The following NUAK1 variants were observed in gnomAD, a reference collection of about 807,000 sequenced individuals.
The protein encoded by NUAK1 is NUAK family kinase 1, also known as NUAK family SNF1-like kinase 1.
In NUAK1, 26 loss-of-function variants were observed where a neutral mutation model predicts 56.9. The observed-to-expected ratio is 0.46, with a 90% confidence interval of 0.33 to 0.63. The LOEUF (loss-of-function observed/expected upper bound fraction) is 0.63. NUAK1 is among the 30% of genes least tolerant of loss of function. The pLI, the probability that NUAK1 is intolerant of heterozygous loss-of-function variation, is 0.02. For missense variants in NUAK1, 727 were observed against 876.1 expected, an observed-to-expected ratio of 0.83 and a Z score of 2.15; for synonymous variants, 337 against 336.0, an observed-to-expected ratio of 1.00 and a Z score of -0.03.
In NUAK1 at chr12:106,066,772, C is replaced by T. The variant is rs778360356; in HGVS notation, c.*30G>A. Reference sequence around the variant, plus strand: ...GTCTTGCTCCCCTTCCTCCCTCGTACCCCCGCCCGCCCCTGGGCGCCCTGG... The same window carrying T: ...GTCTTGCTCCCCTTCCTCCCTCGTATCCCCGCCCGCCCCTGGGCGCCCTGG... On this transcript the variant is annotated 3_prime_UTR_variant, in exon 7 of 7. Coordinates refer to ENST00000261402, the MANE Select transcript of NUAK1 (RefSeq NM_014840.3). The T allele has an allele frequency of 4.5e-6, 7 of 1,556,456 alleles. No homozygotes were observed. The highest frequency in any genetic ancestry group is 6.1e-6 in the Non-Finnish European group (7 of 1,141,448).
chr12:106,088,659 A>T (rs2032600322), intron 2 of NUAK1, among the ~76,000 whole-genome samples: 2 of 152,216 alleles, frequency 1.3e-5, no homozygotes, highest in South Asian at 4.1e-4. Flanking sequence ...TGCTGGGAGG[A>T]CTTATTGATA....
At chr12:106,094,391 GA>G (rs1422146143) in intron 2 of NUAK1, among the ~76,000 whole-genome samples, 1 of 152,150 alleles carries the variant, frequency 6.6e-6, no homozygotes, top group African/African-American at 2.4e-5. Context: ...TCTTTTCTTT[GA>G]AAGACTGTCT....
intron 1 of NUAK1, among the ~76,000 whole-genome samples, chr12:106,113,575 C>T (rs559972215): frequency 2.8e-4 from 42 of 151,704 alleles, no homozygotes; most frequent in African/African-American, 9.2e-4. Flanking sequence ...GGTGATTCTG[C>T]TGCACTCTGA....
intron 1 of NUAK1, among the ~76,000 whole-genome samples, chr12:106,118,554 TAAGC>T (rs2032942754): frequency 6.6e-6 from 1 of 152,234 alleles, no homozygotes; most frequent in South Asian, 2.1e-4. Flanking sequence ...AATGTGCGGC[TAAGC>T]AAGGACACTC....
At chr12:106,080,490 C>A (rs1038249202) in intron 4 of NUAK1, among the ~76,000 whole-genome samples, 1 of 152,172 alleles carries the variant, frequency 6.6e-6, no homozygotes, top group African/African-American at 2.4e-5. Flanking sequence ...GACATGCTTC[C>A]AGAGTACGGA....
chr12:106,111,166 G>T (rs1478425588), intron 1 of NUAK1, among the ~76,000 whole-genome samples: 1 of 152,128 alleles, frequency 6.6e-6, no homozygotes, highest in Non-Finnish European at 1.5e-5. Context: ...TTGTTGTGAG[G>T]AGTGGAAACT....
At chr12:106,131,527 C>T (rs1273681804) in intron 1 of NUAK1, among the ~76,000 whole-genome samples, 2 of 152,160 alleles carry the variant, frequency 1.3e-5, no homozygotes, top group South Asian at 4.1e-4. Context: ...TACCTCATTC[C>T]TTTTTACTGT....
chr12:106,072,950 GTGGGTCTGCTGGC>G, intron 4 of NUAK1, 107 bp from the exon 5 acceptor site: 6 of 1,337,212 alleles, frequency 4.5e-6, no homozygotes, highest in Non-Finnish European at 6.3e-6. Flanking sequence ...GGGCACCTGG[GTGGGTCTGCTGGC>G]TGGATCGCCA....
chr12:106,079,277 C>T (rs570424334), intron 4 of NUAK1, among the ~76,000 whole-genome samples: 100 of 152,286 alleles, frequency 6.6e-4, no homozygotes, highest in Admixed American at 1.5e-3. Flanking sequence ...TGTTCCTGTG[C>T]TTGCTGTTTC....
In NUAK1 at chr12:106,130,091, C is replaced by T. The variant is rs371091124; in HGVS notation, c.240+8323G>A. 1.6e-4 allele frequency among the ~76,000 whole-genome samples: 25 copies of T among 152,262 alleles called. No homozygotes were observed. In the South Asian group the frequency reaches 4.8e-3, roughly 29 times the overall value. On this transcript the variant is annotated intron_variant, in intron 1 of 6. Coordinates refer to ENST00000261402, the MANE Select transcript of NUAK1 (RefSeq NM_014840.3). ...CCGCCTCACAGGTTCAAGCGATTCT[C>T]CTGCCTCAGCCTCCCGAGTAGCTGG...
At chr12:106,104,910 G>C (rs1451418519) in intron 2 of NUAK1, among the ~76,000 whole-genome samples, 1 of 151,358 alleles carries the variant, frequency 6.6e-6, no homozygotes, top group African/African-American at 2.4e-5. Flanking sequence ...AGCCCAACCT[G>C]ATAACTTCTT....
chr12:106,064,993 T>C lies in NUAK1; in HGVS notation c.*1809A>G, dbSNP rs1002079685. On this transcript the variant is annotated 3_prime_UTR_variant, in exon 7 of 7. Transcript: ENST00000261402. ...AAGGGGAGAGCCCAAACTGTCTCCTTAAGGAAAGGGCAATTCCATTCTAAT... is the reference window on the plus strand; with the variant it reads ...AAGGGGAGAGCCCAAACTGTCTCCTCAAGGAAAGGGCAATTCCATTCTAAT... 1 of 152,260 alleles carries C rather than the reference T, an allele frequency of 6.6e-6. No homozygotes were observed. The highest frequency in any genetic ancestry group is 2.4e-5 in the African/African-American group (1 of 41,456). The allele number at this position is 152,260 out of a possible 1,614,324, so 9.4% of individuals were successfully genotyped here.
intron 2 of NUAK1, among the ~76,000 whole-genome samples, chr12:106,099,782 G>A (rs1395931059): frequency 1.3e-5 from 2 of 151,728 alleles, no homozygotes; most frequent in East Asian, 2.0e-4. Context: ...GCTATTATTA[G>A]TACTATTTTA....
Position 106,138,329 on chromosome 12 carries a change from C to A in NUAK1, c.240+85G>T, listed in dbSNP as rs954165670. The A allele has an allele frequency of 4.0e-6, 6 of 1,490,832 alleles. No individual in the cohort carries two copies. In the African/African-American group the frequency reaches 7.0e-5, roughly 17 times the overall value. The allele number at this position is 1,490,832 out of a possible 1,614,324, so 92.4% of individuals were successfully genotyped here. On this transcript the variant is annotated intron_variant, in intron 1 of 6. Coordinates refer to ENST00000261402, the MANE Select transcript of NUAK1 (RefSeq NM_014840.3). This position sits in a 1 kb window ranked among gnomAD's most constrained non-coding sequence, Gnocchi z 5.0. ...CCTCTCTGTCAAGAGAGCCCCAGGGCGCACAGACCCCCGCCTCGCACGCCC... is the reference window on the plus strand; with the variant it reads ...CCTCTCTGTCAAGAGAGCCCCAGGGAGCACAGACCCCCGCCTCGCACGCCC...
At chr12:106,121,518 G>A (rs763250983) in intron 1 of NUAK1, among the ~76,000 whole-genome samples, 107 of 152,328 alleles carry the variant, frequency 7.0e-4, no homozygotes, top group Non-Finnish European at 1.1e-3. Flanking sequence ...GGGAGGCCAA[G>A]GCCAGCAGAT....
Position 106,063,726 on chromosome 12 carries a change from T to C in NUAK1, c.*3076A>G, listed in dbSNP as rs2032305984. 1 of 152,500 alleles carries C rather than the reference T, an allele frequency of 6.6e-6. No individual in the cohort carries two copies. Among genetic ancestry groups the C allele is most frequent in the Non-Finnish European group, 1.5e-5 (1 of 68,016 alleles). The allele number at this position is 152,500 out of a possible 1,614,324, so 9.4% of individuals were successfully genotyped here. The stretch of plus-strand genomic sequence containing the variant: ...GTGCAGTCAAGTTTCTCTCTTTTTT[T>C]CTTCTAGGAATGATACCATGCCAGT... On this transcript the variant is annotated 3_prime_UTR_variant, in exon 7 of 7. Transcript: ENST00000261402.
At chr12:106,075,158 C>G (rs1470877116) in intron 4 of NUAK1, among the ~76,000 whole-genome samples, 2 of 152,154 alleles carry the variant, frequency 1.3e-5, no homozygotes, top group Non-Finnish European at 2.9e-5. Flanking sequence ...TTATGGCCCA[C>G]TCCTATCCTC....
intron 4 of NUAK1, among the ~76,000 whole-genome samples, chr12:106,079,662 T>G (rs943002592): frequency 6.6e-6 from 1 of 152,208 alleles, no homozygotes; most frequent in African/African-American, 2.4e-5. Context: ...CCACTCTAGG[T>G]AAAAGAGCAA....
chr12:106,122,313 A>G (rs1023150495), intron 1 of NUAK1, among the ~76,000 whole-genome samples: 14 of 152,332 alleles, frequency 9.2e-5, no homozygotes, highest in African/African-American at 2.9e-4. Context: ...AGTGGCCATG[A>G]GCGGCAGTAT....
Sources: allele counts gnomAD v4.1 joint callset (sites outside exome capture counted in the v4.1 genomes callset), GRCh38; gene constraint gnomAD v4.1.1; non-coding constraint Gnocchi (gnomAD v3.1); transcripts MANE v1.5; gene names NCBI Gene and HGNC (gene_info 2026-07-23, HGNC 2026-07-21).